The following FBXL13 variants were observed in gnomAD, a reference collection of about 807,000 sequenced individuals.
FBXL13 encodes the protein F-box and leucine-rich repeat protein 13.
Under a neutral mutation model 83.6 loss-of-function variants are expected in FBXL13, and 67 were observed. That is an observed-to-expected ratio of 0.80 (90% CI 0.66 to 0.98). The LOEUF (loss-of-function observed/expected upper bound fraction) is 0.98, where lower values mean the gene tolerates loss of function less well. Among genes scored for constraint, FBXL13 ranks in the 50% least tolerant of loss-of-function variants. FBXL13 has a pLI of 0.00. For synonymous variants in FBXL13, 272 were observed against 299.5 expected (o/e 0.91, Z 0.95); for missense variants, 822 against 866.5 (o/e 0.95, Z 0.64).
At position 102,858,695 on chromosome 7, in the gene FBXL13, C is replaced by T. The variant is rs114353212; in HGVS notation, c.1636-3835G>A. On this transcript the variant is annotated intron_variant, in intron 16 of 19. Coordinates refer to ENST00000313221, the Ensembl canonical transcript of FBXL13. ...GTACTGATGCATGCTACTATATGAA[C>T]GAAACTTGAAAATATCATCCTAAGT... Among the ~76,000 whole-genome samples, 902 of 152,202 alleles carry T rather than the reference C, an allele frequency of 5.9e-3. 9 individuals are homozygous for T. The highest frequency in any genetic ancestry group is 0.019 in the African/African-American group (800 of 41,516).
chr7:102,883,371 T>C (rs1810370411), exon 14 of FBXL13: 2 of 1,613,672 alleles, frequency 1.2e-6, no homozygotes, highest in South Asian at 1.1e-5. Context: ...GAGGCTGCTG[T>C]CTGTTATTCC....
chr7:102,905,611 A>G (rs879204258), intron 11 of FBXL13, among the ~76,000 whole-genome samples: 1 of 152,072 alleles, frequency 6.6e-6, no homozygotes, highest in Admixed American at 6.6e-5. Flanking sequence ...ATTTACATTC[A>G]ATATTATTAT....
At chr7:103,069,548 A>T (rs1379078961) in intron 1 of FBXL13, among the ~76,000 whole-genome samples, 3 of 152,194 alleles carry the variant, frequency 2.0e-5, no homozygotes, top group Admixed American at 2.0e-4. Flanking sequence ...GAGACTGGCT[A>T]GCTTCTCAAT....
intron 8 of FBXL13, among the ~76,000 whole-genome samples, chr7:102,959,316 C>T (rs1824802380): frequency 6.6e-6 from 1 of 151,948 alleles, no homozygotes; most frequent in Non-Finnish European, 1.5e-5. Flanking sequence ...CACTTCTTCC[C>T]CATTCCATTA....
In FBXL13 at chr7:102,944,440, T is replaced by C. The variant is rs1270007613; in HGVS notation, c.725-12507A>G. The C allele has an allele frequency of 7.4e-6, 12 of 1,613,932 alleles. No individual in the cohort carries two copies. The highest frequency in any genetic ancestry group is 2.2e-5 in the East Asian group (1 of 44,878). On this transcript the variant is annotated intron_variant, in intron 8 of 19. Transcript: ENST00000313221. ...CAAAACGCCTGAAGAATACAAAGGA[T>C]GGTCTGTGGGAAAATATATTAGAAG...
chr7:102,879,319 G>A lies in FBXL13; in HGVS notation c.1389-869C>T, dbSNP rs76115295. On this transcript the variant is annotated intron_variant, in intron 14 of 19. Transcript: ENST00000313221. ...GATTTGCAAAGAACTGAGCAGTTAA[G>A]GCAAAAGATATCCTGTTTCAGCTGA... Among the ~76,000 whole-genome samples the A allele has an allele frequency of 3.8e-3, 581 of 152,246 alleles. 5 individuals carry two copies. The highest frequency in any genetic ancestry group is 0.014 in the African/African-American group (572 of 41,546).
At chr7:103,060,295 G>A (rs529535154) in intron 1 of FBXL13, among the ~76,000 whole-genome samples, 61 of 151,476 alleles carry the variant, frequency 4.0e-4, no homozygotes, top group Middle Eastern at 3.4e-3. Context: ...TTAAGTGATC[G>A]TCCTTCCTCT....
chr7:102,898,422 C>G (rs987980184), intron 11 of FBXL13, among the ~76,000 whole-genome samples: 7 of 152,034 alleles, frequency 4.6e-5, no homozygotes, highest in Admixed American at 1.3e-4. Flanking sequence ...CTCACCGCAG[C>G]CTCAGACTAC....
At chr7:103,013,969 C>T (rs1563218789) in intron 6 of FBXL13, among the ~76,000 whole-genome samples, 1 of 151,914 alleles carries the variant, frequency 6.6e-6, no homozygotes, top group African/African-American at 2.4e-5. Flanking sequence ...CACTGACCCC[C>T]CAGAAATACA....
At chr7:102,907,903 G>C (rs1584876438) in intron 11 of FBXL13, among the ~76,000 whole-genome samples, 1 of 152,230 alleles carries the variant, frequency 6.6e-6, no homozygotes, top group East Asian at 1.9e-4. Context: ...TCATTAAAAA[G>C]TCAGGAAATA....
chr7:102,933,460 TG>T (rs1171483156), intron 8 of FBXL13: 1 of 152,532 alleles, frequency 6.6e-6, no homozygotes, highest in African/African-American at 2.4e-5. Context: ...TCCCCCGGGG[TG>T]GCCATGTGAA....
chr7:102,917,343 C>T (rs1278261954), intron 10 of FBXL13, among the ~76,000 whole-genome samples: 3 of 152,156 alleles, frequency 2.0e-5, no homozygotes, highest in Non-Finnish European at 4.4e-5. Context: ...GATACTACTC[C>T]ACTATAGCAT....
At chr7:103,061,331 A>G (rs1797884727) in intron 1 of FBXL13, among the ~76,000 whole-genome samples, 2 of 152,222 alleles carry the variant, frequency 1.3e-5, no homozygotes, top group Non-Finnish European at 1.5e-5. Context: ...CCAGAGGGGA[A>G]GCAGTCCCAG....
At chr7:102,876,076 C>T (rs1327416954) in intron 16 of FBXL13, among the ~76,000 whole-genome samples, 1 of 152,136 alleles carries the variant, frequency 6.6e-6, no homozygotes, top group Non-Finnish European at 1.5e-5. Flanking sequence ...AGGGCAAACA[C>T]ATTCATGATG....
intron 2 of FBXL13, chr7:103,031,127 C>G (rs1439409398): frequency 6.6e-6 from 1 of 152,150 alleles, no homozygotes; most frequent in African/African-American, 2.4e-5. Flanking sequence ...CAGTAATGCC[C>G]CATTCCCCAC....
At position 102,867,695 on chromosome 7, in the gene FBXL13, ATTTTT is replaced by A. The variant is rs1205859622; in HGVS notation, c.1635+9767_1635+9771del. On this transcript the variant is annotated intron_variant, in intron 16 of 19. Coordinates refer to ENST00000313221, the Ensembl canonical transcript of FBXL13. ...TATATATATATATATATATATATAT[ATTTTT>A]TTTTTTTTTTTTTTTTTTTTGAGAC... is the stretch of plus-strand genomic sequence containing the variant. Among the ~76,000 whole-genome samples the A allele has an allele frequency of 4.2e-3, 208 of 49,022 alleles. 1 individual carries two copies. Among genetic ancestry groups the A allele is most frequent in the East Asian group, 8.9e-3 (12 of 1,352 alleles). The allele number at this position is 49,022 out of a possible 152,430, so 32.2% of individuals were successfully genotyped here.
At chr7:103,030,747 A>G (rs576095253) in intron 2 of FBXL13, among the ~76,000 whole-genome samples, 7 of 152,190 alleles carry the variant, frequency 4.6e-5, no homozygotes, top group African/African-American at 1.7e-4. Flanking sequence ...TTTGAACTCA[A>G]GTTTTCTTTT....
intron 6 of FBXL13, among the ~76,000 whole-genome samples, chr7:102,972,029 A>C (rs1344800008): frequency 6.6e-6 from 1 of 152,038 alleles, no homozygotes; most frequent in Non-Finnish European, 1.5e-5. Flanking sequence ...CCATCTCAAA[A>C]AAAAAAAAAA....
chr7:102,932,972 A>T (rs534339627), intron 8 of FBXL13: 1 of 152,240 alleles, frequency 6.6e-6, no homozygotes, highest in Admixed American at 6.5e-5. Flanking sequence ...AAATAGACAC[A>T]AATATTTTCC....
Sources: gnomAD v4.1 joint callset for allele counts (sites outside exome capture counted in the v4.1 genomes callset) on GRCh38, gnomAD v4.1.1 for gene constraint, MANE v1.5 for transcripts, NCBI Gene and HGNC (gene_info 2026-07-23, HGNC 2026-07-21) for gene names.